The following RAB22A variants were observed in gnomAD, a reference collection of about 807,000 sequenced individuals.
RAB22A encodes the protein ras-related protein Rab-22A.
A neutral mutation model predicts 30.2 loss-of-function variants in RAB22A; 13 were observed. The observed-to-expected ratio is 0.43, with a 90% CI of 0.28 to 0.68. The LOEUF (loss-of-function observed/expected upper bound fraction) is 0.68, where lower values mean the gene tolerates loss of function less well. Among genes scored for constraint, RAB22A ranks in the 30% least tolerant of loss-of-function variants. The pLI is 0.18. For synonymous variants in RAB22A, 89 were observed against 87.2 expected (o/e 1.02, Z -0.11); for missense variants, 177 against 246.8 (o/e 0.72, Z 1.89).
chr20:58,339,729 G>A (rs568706278), intron 2 of RAB22A, among the ~76,000 whole-genome samples: 14 of 152,290 alleles, frequency 9.2e-5, no homozygotes, highest in African/African-American at 3.4e-4. Flanking sequence ...GTGATTTGTG[G>A]GGGTAGAGTG....
intron 2 of RAB22A, among the ~76,000 whole-genome samples, chr20:58,338,454 C>T (rs1986799165): frequency 6.6e-6 from 1 of 152,176 alleles, no homozygotes; most frequent in South Asian, 2.1e-4. Flanking sequence ...GTCCGTTGTG[C>T]ACCACTCTGC....
chr20:58,367,390 T>C lies in RAB22A; in HGVS notation c.*7687T>C, dbSNP rs1393619320. Reference sequence around the variant, plus strand: ...TGATTTGCCATACTTTTAAATAATATTGTTTTAGCTTGAATATTCTATAAT... The same window carrying C: ...TGATTTGCCATACTTTTAAATAATACTGTTTTAGCTTGAATATTCTATAAT... On this transcript the variant is annotated 3_prime_UTR_variant, in exon 7 of 7. Transcript: ENST00000244040. 1 of 152,646 alleles carries C rather than the reference T, an allele frequency of 6.6e-6. No homozygotes were observed. Among genetic ancestry groups the C allele is most frequent in the African/African-American group, 2.4e-5 (1 of 41,466 alleles). The allele number at this position is 152,646 out of a possible 1,614,324, so 9.5% of individuals were successfully genotyped here. A position where few individuals can be genotyped will look rare whatever the true frequency, so the allele number is the denominator to read the frequency against.
At chr20:58,314,100 T>C (rs190459194) in intron 2 of RAB22A, among the ~76,000 whole-genome samples, 2 of 151,476 alleles carry the variant, frequency 1.3e-5, no homozygotes, top group Admixed American at 6.6e-5. Context: ...CCAGGCTGGA[T>C]TGTAATGACA....
At position 58,353,531 on chromosome 20, in the gene RAB22A, G is replaced by A. The variant is rs370307811; in HGVS notation, c.370G>A (p.Asp124Asn). ...AIAGNKCDLI[D>N]VREVMERDAK... ...TGCAGGAAATAAATGTGATCTTATC[G>A]ATGTAAGGTAAGTTATTAGAACGAG... The change falls in exon 5 of 7, where the codon GAT (aspartate) becomes AAT (asparagine). Residue 124 changes from aspartate to asparagine, a missense_variant. By Grantham distance (23) the Asp-to-Asn change is conservative (BLOSUM62 1). Transcript: ENST00000244040. 4 of 1,594,476 alleles carry A rather than the reference G, an allele frequency of 2.5e-6. No homozygotes were observed. The highest frequency in any genetic ancestry group is 3.4e-6 in the Non-Finnish European group (4 of 1,162,268).
rs747075616 is a variant in RAB22A, at chr20:58,354,205, A to G, written c.427A>G (p.Ile143Val). The G allele has an allele frequency of 5.0e-6, 8 of 1,613,760 alleles. No homozygotes were observed. The highest frequency in any genetic ancestry group is 1.1e-5 in the South Asian group (1 of 91,064). The stretch of plus-strand genomic sequence containing the variant: ...GGACTACGCCGACTCTATTCATGCA[A>G]TTTTTGTAGAGACCAGCGCAAAAAA... Reference protein sequence around the residue: ...AKDYADSIHAIFVETSAKNAI... With the variant: ...AKDYADSIHAVFVETSAKNAI... The change falls in exon 6 of 7, where the codon ATT (isoleucine) becomes GTT (valine). Residue 143 changes from isoleucine (I) to valine (V), a missense_variant. Transcript: ENST00000244040.
chr20:58,359,495 CTTTT>C (rs3069388), intron 6 of RAB22A, 107 bp from the exon 7 acceptor site: 1,063 of 331,820 alleles, frequency 3.2e-3, no homozygotes, highest in Middle Eastern at 5.2e-3. Flanking sequence ...GTTTATTAAA[CTTTT>C]TTTTTTTTTT....
chr20:58,350,353 CAAAG>C (rs1987027666), intron 3 of RAB22A, among the ~76,000 whole-genome samples: 1 of 151,850 alleles, frequency 6.6e-6, no homozygotes, highest in Non-Finnish European at 1.5e-5. Context: ...CCAGGAGGAG[CAAAG>C]AGAGAGATGG....
chr20:58,357,360 G>A (rs1987149192), intron 6 of RAB22A, among the ~76,000 whole-genome samples: 1 of 152,166 alleles, frequency 6.6e-6, no homozygotes, highest in South Asian at 2.1e-4. Context: ...TTGGAGATGA[G>A]TCACTTATTG....
intron 6 of RAB22A, among the ~76,000 whole-genome samples, chr20:58,354,844 C>T (rs1024903000): frequency 1.3e-5 from 2 of 152,096 alleles, no homozygotes; most frequent in Non-Finnish European, 2.9e-5. Flanking sequence ...GGGAAATAGC[C>T]GTGAAGAAGA....
intron 2 of RAB22A, among the ~76,000 whole-genome samples, chr20:58,334,557 A>C (rs1280449753): frequency 6.6e-6 from 1 of 151,668 alleles, no homozygotes; most frequent in East Asian, 1.9e-4. Flanking sequence ...GGATAGGGAC[A>C]GTAGTTAACT....
At chr20:58,323,299 G>A (rs940817385) in intron 2 of RAB22A, among the ~76,000 whole-genome samples, 6 of 151,972 alleles carry the variant, frequency 3.9e-5, no homozygotes, top group African/African-American at 1.2e-4. Flanking sequence ...ACAGAAATAC[G>A]ACTTTTAAAA....
chr20:58,356,987 G>A (rs373191457), intron 6 of RAB22A, among the ~76,000 whole-genome samples: 1 of 152,100 alleles, frequency 6.6e-6, no homozygotes, highest in Non-Finnish European at 1.5e-5. Flanking sequence ...CATTCTGATC[G>A]TATTCTTTGG....
At chr20:58,322,960 A>G (rs1986488909) in intron 2 of RAB22A, among the ~76,000 whole-genome samples, 1 of 152,196 alleles carries the variant, frequency 6.6e-6, no homozygotes, top group Non-Finnish European at 1.5e-5. Context: ...GTTTCAATAT[A>G]AACATTAAAA....
chr20:58,315,560 G>GT (rs1407419955), intron 2 of RAB22A, among the ~76,000 whole-genome samples: 3 of 58,872 alleles, frequency 5.1e-5, no homozygotes, highest in Admixed American at 1.2e-4. Context: ...GGAGGTTGGG[G>GT]CGGGGGGTCA....
intron 1 of RAB22A, among the ~76,000 whole-genome samples, 187 bp downstream of exon 1, chr20:58,310,199 G>A (rs1368490900): frequency 1.3e-5 from 2 of 152,032 alleles, no homozygotes; most frequent in Non-Finnish European, 2.9e-5. Flanking sequence ...AGGTCCTGGA[G>A]GCCGAAGGGA....
chr20:58,354,086 A>G (rs1868881734), intron 5 of RAB22A, 70 bp from the exon 6 acceptor site: 1 of 1,080,586 alleles, frequency 9.3e-7, no homozygotes, highest in Non-Finnish European at 1.4e-6. Flanking sequence ...CTGGTTAACT[A>G]CTGGGTAGGT....
intron 2 of RAB22A, among the ~76,000 whole-genome samples, chr20:58,329,010 G>C (rs925940096): frequency 6.6e-6 from 1 of 151,414 alleles, no homozygotes; most frequent in African/African-American, 2.4e-5. Flanking sequence ...TGACAAGATC[G>C]CCTCGGTATT....
At chr20:58,348,994 C>G (rs1476386578) in intron 3 of RAB22A, among the ~76,000 whole-genome samples, 1 of 152,190 alleles carries the variant, frequency 6.6e-6, no homozygotes. Context: ...TATTCACTAC[C>G]TGGTCTTTAC....
chr20:58,318,957 A>G (rs1200650647), intron 2 of RAB22A, among the ~76,000 whole-genome samples: 1 of 152,230 alleles, frequency 6.6e-6, no homozygotes, highest in Non-Finnish European at 1.5e-5. Context: ...ATTCAAACAC[A>G]TAAAAATTGC....
Sources: allele counts gnomAD v4.1 joint callset (sites outside exome capture counted in the v4.1 genomes callset), GRCh38; gene constraint gnomAD v4.1.1; transcripts MANE v1.5; gene names NCBI Gene and HGNC (gene_info 2026-07-23, HGNC 2026-07-21).